LHPP: variants seen among roughly 807,000 people sequenced by gnomAD.
LHPP encodes phospholysine phosphohistidine inorganic pyrophosphate phosphatase, also known as hLHPP.
Under a neutral mutation model 30.3 loss-of-function variants are expected in LHPP, and 24 were observed. That is an observed-to-expected ratio of 0.79 (90% CI 0.57 to 1.11). LHPP has a LOEUF of 1.11. Ranked by LOEUF, LHPP falls within the 50% of genes most tolerant of loss-of-function variation. The pLI is 0.00. For synonymous variants in LHPP, 150 were observed against 157.1 expected, an observed-to-expected ratio of 0.95 and a Z score of 0.34; for missense variants, 356 against 367.2, an observed-to-expected ratio of 0.97 and a Z score of 0.25.
chr10:124,574,175 C>G (rs1226674059), intron 6 of LHPP, among the ~76,000 whole-genome samples: 3 of 152,222 alleles, frequency 2.0e-5, no homozygotes, highest in African/African-American at 7.2e-5. Context: ...TGAGACCCGC[C>G]TGCCAAAATA....
At chr10:124,566,732 T>C (rs1462318615) in intron 6 of LHPP, among the ~76,000 whole-genome samples, 1 of 151,960 alleles carries the variant, frequency 6.6e-6, no homozygotes, top group Non-Finnish European at 1.5e-5. Flanking sequence ...GGCTGTGTGG[T>C]GGGAGGTCGG....
chr10:124,496,955 T>A lies in LHPP; in HGVS notation c.468-6T>A, dbSNP rs767685541. 1 of 1,613,836 alleles carries A rather than the reference T, an allele frequency of 6.2e-7. No homozygotes were observed. Among genetic ancestry groups the A allele is most frequent in the Non-Finnish European group, 8.5e-7 (1 of 1,179,808 alleles). On this transcript the variant is annotated splice_polypyrimidine_tract_variant and splice_region_variant and intron_variant, in intron 3 of 6. Transcript: ENST00000368842. This position sits in a 1 kb window ranked among gnomAD's most constrained non-coding sequence, Gnocchi z 4.3. ...GCATCCCGTGCTCCGTTCTGCTCTC[T>A]CCTAGGCGTTACTACAAGGAGACCT...
intron 3 of LHPP, among the ~76,000 whole-genome samples, chr10:124,489,604 G>A (rs1267317696): frequency 2.6e-5 from 4 of 151,950 alleles, no homozygotes; most frequent in East Asian, 3.9e-4. Flanking sequence ...ACAGGCGCCC[G>A]CCACCATCCC....
intron 6 of LHPP, among the ~76,000 whole-genome samples, chr10:124,567,536 T>G (rs981677787): frequency 6.6e-6 from 1 of 152,244 alleles, no homozygotes; most frequent in Non-Finnish European, 1.5e-5. Flanking sequence ...GTGTTATGAC[T>G]GAAGACGTCC....
In LHPP at chr10:124,613,350, C is replaced by G; in HGVS notation, c.803C>G (p.Ala268Gly). The change falls in exon 7 of 7, where the codon GCC (alanine) becomes GGC (glycine). Residue 268 changes from alanine to glycine, a missense_variant. Coordinates refer to ENST00000368842, the MANE Select transcript of LHPP (RefSeq NM_022126.4). ...AEAVDLLLQH[A>G]DK The stretch of plus-strand genomic sequence containing the variant: ...GCAGTGGACCTGCTGCTGCAGCACG[C>G]CGACAAGTGATGGCCTCCTGGGAGA... 6.2e-7 allele frequency: 1 copy of G among 1,611,870 alleles called. No individual in the cohort carries two copies.
chr10:124,497,236 C>T (rs1273046187), intron 4 of LHPP, among the ~76,000 whole-genome samples: 1 of 141,162 alleles, frequency 7.1e-6, no homozygotes, highest in Non-Finnish European at 1.5e-5. Flanking sequence ...TCTCCCTTCC[C>T]ATCCTTCCCA....
chr10:124,578,715 C>A (rs1168768278), intron 6 of LHPP, among the ~76,000 whole-genome samples: 3 of 152,222 alleles, frequency 2.0e-5, no homozygotes, highest in African/African-American at 7.2e-5. Context: ...CACCGCGCCA[C>A]GCGTCAGAAG....
chr10:124,601,859 G>A (rs1464676010), intron 6 of LHPP, among the ~76,000 whole-genome samples: 6 of 152,258 alleles, frequency 3.9e-5, no homozygotes, highest in Admixed American at 3.9e-4. Context: ...AGATCCCAAG[G>A]AATGCAGGCA....
rs548958903 is a variant in LHPP at position 124,551,316 on chromosome 10, C to G, written c.716+34045C>G. Among the ~76,000 whole-genome samples, 9 of 152,296 alleles carry G rather than the reference C, an allele frequency of 5.9e-5. No individual in the cohort carries two copies. In the South Asian group the frequency reaches 1.7e-3, roughly 28 times the overall value. On this transcript the variant is annotated intron_variant, in intron 6 of 6. Transcript: ENST00000368842. Reference sequence around the variant, plus strand: ...AGCCTGTCTGGGCACCCCCAGGGCTCTGGACTCACCTCCACCCCTCCCTCT... The same window carrying G: ...AGCCTGTCTGGGCACCCCCAGGGCTGTGGACTCACCTCCACCCCTCCCTCT...
intron 6 of LHPP, among the ~76,000 whole-genome samples, chr10:124,610,163 C>T (rs895666824): frequency 6.6e-6 from 1 of 152,222 alleles, no homozygotes; most frequent in African/African-American, 2.4e-5. Context: ...TCAGCACTGA[C>T]GCAGGATCAC....
At chr10:124,611,037 C>T (rs7917986) in intron 6 of LHPP, among the ~76,000 whole-genome samples, 3,429 of 135,382 alleles carry the variant, frequency 0.025, 138 homozygotes, top group African/African-American at 0.062. Flanking sequence ...GCTGATGGAG[C>T]GGGTGCGGGT....
chr10:124,599,207 G>A (rs1362942425), intron 6 of LHPP, among the ~76,000 whole-genome samples: 3 of 149,068 alleles, frequency 2.0e-5, no homozygotes, highest in Non-Finnish European at 4.5e-5. Flanking sequence ...CCACCCATCC[G>A]TCCCCAGCCA....
intron 6 of LHPP, chr10:124,605,328 G>GAT (rs1554898423): frequency 6.6e-6 from 1 of 152,126 alleles, no homozygotes. Context: ...CCTGTGGGGG[G>GAT]GACCACCGAG....
intron 6 of LHPP, among the ~76,000 whole-genome samples, chr10:124,574,930 C>G (rs1948638785): frequency 6.6e-6 from 1 of 152,150 alleles, no homozygotes; most frequent in African/African-American, 2.4e-5. Flanking sequence ...TAAACCCAGC[C>G]AGATGATGCT....
chr10:124,498,826 C>A (rs974437449), intron 5 of LHPP: 23 of 361,122 alleles, frequency 6.4e-5, no homozygotes, highest in Non-Finnish European at 1.1e-4. Context: ...GCCCCCCCCC[C>A]GCCAACCCCA....
At chr10:124,504,685 G>A (rs866436345) in intron 5 of LHPP, among the ~76,000 whole-genome samples, 4 of 152,166 alleles carry the variant, frequency 2.6e-5, no homozygotes, top group Admixed American at 2.0e-4. Flanking sequence ...GGGAGGAGAC[G>A]AGACTGGCTG....
intron 6 of LHPP, among the ~76,000 whole-genome samples, chr10:124,547,212 A>T (rs1253745742): frequency 5.9e-5 from 9 of 151,964 alleles, no homozygotes; most frequent in Non-Finnish European, 1.3e-4. Context: ...GTGGCGGCAC[A>T]CCTGTCCTCG....
At chr10:124,554,605 T>C (rs947643637) in intron 6 of LHPP, among the ~76,000 whole-genome samples, 1 of 152,140 alleles carries the variant, frequency 6.6e-6, no homozygotes, top group Non-Finnish European at 1.5e-5. Context: ...CTGCTGTCCT[T>C]GTCATCTCTA....
At chr10:124,494,795 AAAGTTT>A (rs1161810078) in intron 3 of LHPP, among the ~76,000 whole-genome samples, 1 of 152,060 alleles carries the variant, frequency 6.6e-6, no homozygotes, top group Non-Finnish European at 1.5e-5. Context: ...CCTGCCCTTT[AAAGTTT>A]GTCTGTGGGC....
Sources: allele counts gnomAD v4.1 joint callset (sites outside exome capture counted in the v4.1 genomes callset), GRCh38; gene constraint gnomAD v4.1.1; non-coding constraint Gnocchi (gnomAD v3.1); transcripts MANE v1.5; gene names NCBI Gene and HGNC (gene_info 2026-07-23, HGNC 2026-07-21).